The following C5 variants were observed in gnomAD, a reference collection of about 807,000 sequenced individuals.
C5 encodes C3 and PZP-like alpha-2-macroglobulin domain-containing protein 4.
Under a neutral mutation model 218.8 loss-of-function variants are expected in C5, and 140 were observed. The ratio of observed to expected loss-of-function variants is 0.64; its 90% CI spans 0.56 to 0.74. C5 has a LOEUF of 0.74. C5 is among the 30% of genes least tolerant of loss of function. The pLI is 0.00. For missense variants in C5, 1,700 were observed against 1,969.6 expected (o/e 0.86, Z 2.59); for synonymous variants, 614 against 682.3 (o/e 0.90, Z 1.56).
At chr9:121,006,863 A>C in intron 19 of C5, 41 bp downstream of exon 19, 1 of 1,278,646 alleles carries the variant, frequency 7.8e-7, no homozygotes, top group Non-Finnish European at 1.1e-6. Context: ...CTTGCTAATC[A>C]AATCACTATT....
In C5 at chr9:120,952,705, A is replaced by ATAT. The variant is rs1431982586; in HGVS notation, c.*33_*34insATA. 1.2e-6 allele frequency: 2 copies of ATAT among 1,609,128 alleles called. No individual in the cohort carries two copies. Among genetic ancestry groups the ATAT allele is most frequent in the African/African-American group, 2.7e-5 (2 of 74,832 alleles). On this transcript the variant is annotated 3_prime_UTR_variant, in exon 41 of 41. Coordinates refer to ENST00000223642, the MANE Select transcript of C5 (RefSeq NM_001735.3). ...CGAACTTCAACAACAGGAGTCCATAAGTGCAAACTGTATGCAGCTGAACTT... is the reference window on the plus strand; with the variant it reads ...CGAACTTCAACAACAGGAGTCCATAATATGTGCAAACTGTATGCAGCTGAACTT...
rs1296286329 is a variant in C5 at position 121,023,409 on chromosome 9, T to C, written c.1111A>G (p.Ile371Val). ...LFLKPGIPYP[I>V]KVQVKDSLDQ... is the part of the protein sequence containing the mutation. The stretch of plus-strand genomic sequence containing the variant: ...TACCCCCTCACCCAATCTACCTTGA[T>C]GGGATATGGAATCCCAGGCTTCAGG... Residue 371 changes from isoleucine (I) to valine (V), a missense_variant, in exon 10 of 41, where the codon ATC (isoleucine) becomes GTC (valine). Ile to Val is a conservative substitution (Grantham distance 29, BLOSUM62 3). Transcript: ENST00000223642. The C allele has an allele frequency of 1.3e-6, 2 of 1,589,628 alleles. No individual in the cohort carries two copies. Among genetic ancestry groups the C allele is most frequent in the Admixed American group, 1.7e-5 (1 of 60,000 alleles).
chr9:120,982,769 GTATT>G lies in C5; in HGVS notation c.3272_3275del (p.Lys1091ThrfsTer2), dbSNP rs747427444. 6.3e-7 allele frequency: 1 copy of G among 1,599,004 alleles called. No homozygotes were observed. Among genetic ancestry groups the G allele is most frequent in the Non-Finnish European group, 8.6e-7 (1 of 1,167,158 alleles). ...AAATTGAATTTTGGTTCTGCTCTAC[GTATT>G]TATTTACTTGTCCAAGTACTCTTAA... On this transcript the variant is annotated frameshift_variant, in exon 26 of 41. Coordinates refer to ENST00000223642, the MANE Select transcript of C5 (RefSeq NM_001735.3). LOFTEE classifies it high-confidence loss of function.
At chr9:121,065,074 AATAT>A in the C5 span, among the ~76,000 whole-genome samples, 112,201 of 150,362 alleles carry the variant, frequency 0.75, 42,153 homozygotes, top group East Asian at 0.96. Flanking sequence ...CATCTAAAAA[AATAT>A]ATATATATAT....
chr9:121,040,215 G>C (rs2047565374), intron 3 of C5, among the ~76,000 whole-genome samples: 1 of 152,112 alleles, frequency 6.6e-6, no homozygotes, highest in East Asian at 1.9e-4. Context: ...GCAAAGGAGG[G>C]GCAAGAATGT....
intron 1 of C5, 118 bp from the exon 2 acceptor site, chr9:121,046,501 A>C (rs1054639098): frequency 1.4e-6 from 1 of 712,836 alleles, no homozygotes; most frequent in African/African-American, 1.8e-5. Context: ...TCCTCACTTA[A>C]AAATGATACT....
intron 29 of C5, among the ~76,000 whole-genome samples, chr9:120,975,655 TTC>T (rs1328027598): frequency 6.6e-6 from 1 of 152,226 alleles, no homozygotes; most frequent in Non-Finnish European, 1.5e-5. Context: ...CCACTCTGCC[TTC>T]TCTTTGCCCT....
intron 20 of C5, among the ~76,000 whole-genome samples, chr9:120,998,829 C>T (rs2047138272): frequency 6.6e-6 from 1 of 152,056 alleles, no homozygotes; most frequent in African/African-American, 2.4e-5. Context: ...AGAACTATAC[C>T]CAAAATAATA....
intron 9 of C5, among the ~76,000 whole-genome samples, chr9:121,024,810 A>G (rs1473746545): frequency 6.6e-6 from 1 of 152,244 alleles, no homozygotes; most frequent in Non-Finnish European, 1.5e-5. Context: ...CACCTGTCTT[A>G]TACCTGATGC....
At chr9:121,030,579 C>T in intron 6 of C5, 92 bp from the exon 7 acceptor site, 2 of 675,870 alleles carry the variant, frequency 3.0e-6, no homozygotes, top group Non-Finnish European at 5.2e-6. Flanking sequence ...TATAGTTGGA[C>T]AAGCTGTAAC....
At position 121,034,828 on chromosome 9, in the gene C5, C is replaced by T; in HGVS notation, c.559G>A (p.Asp187Asn). Residue 187 changes from aspartate to asparagine, a missense_variant, in exon 5 of 41, where the codon GAC (aspartate) becomes AAC (asparagine). Physicochemically the swap from Asp to Asn is conservative, Grantham distance 23. Transcript: ENST00000223642. ...IDHIGIISFP[D>N]FKIPSNPRYG... is the part of the protein sequence containing the mutation. Reference sequence around the variant, plus strand: ...CTAGGATTAGACGGAATCTTGAAGTCAGGAAAAGAGATAATTCCAATATGA... The same window carrying T: ...CTAGGATTAGACGGAATCTTGAAGTTAGGAAAAGAGATAATTCCAATATGA... The T allele has an allele frequency of 6.3e-7, 1 of 1,576,816 alleles. No individual in the cohort carries two copies. The highest frequency in any genetic ancestry group is 1.1e-5 in the South Asian group (1 of 90,266).
intron 2 of C5, 107 bp downstream of exon 2, chr9:121,046,084 G>T: frequency 1.9e-6 from 1 of 528,090 alleles, no homozygotes; most frequent in Non-Finnish European, 3.3e-6. Context: ...TCCCACAGTG[G>T]ATGTAAATGA....
chr9:121,017,568 C>T, intron 13 of C5, 57 bp from the exon 14 acceptor site: 2 of 1,607,410 alleles, frequency 1.2e-6, no homozygotes, highest in South Asian at 1.1e-5. Context: ...CAAGACTTTT[C>T]AGAAGCAGCT....
At chr9:120,964,869 T>A (rs945872888) in intron 33 of C5, among the ~76,000 whole-genome samples, 2 of 152,304 alleles carry the variant, frequency 1.3e-5, no homozygotes, top group African/African-American at 4.8e-5. Context: ...TCTTTATAAT[T>A]CCCAGGCTTT....
Position 121,001,632 on chromosome 9 carries a change from A to G in C5, c.2563-3858T>C, listed in dbSNP as rs77862621. Among the ~76,000 whole-genome samples, 891 of 152,308 alleles carry G rather than the reference A, an allele frequency of 5.8e-3. 7 individuals are homozygous for G. The highest frequency in any genetic ancestry group is 0.011 in the Non-Finnish European group (722 of 67,998). ...TTTTGAGCTTTAATCAAAATGATGC[A>G]TGTAGTTATCTAGTCCATTCATTTC... is the stretch of plus-strand genomic sequence containing the variant. On this transcript the variant is annotated intron_variant, in intron 20 of 40. Transcript: ENST00000223642.
chr9:121,006,079 A>G, intron 19 of C5, 21 bp from the exon 20 acceptor site: 5 of 1,612,894 alleles, frequency 3.1e-6, no homozygotes, highest in Non-Finnish European at 4.2e-6. Flanking sequence ...AAGTGGAAGC[A>G]AAGTAGAATC....
chr9:121,030,391 T>G lies in C5; in HGVS notation c.758+6A>C. ...ATAAAAACAACAAAAAAACAAATGTTCTTACCTTGCTTTTATAGTAATTTC... is the reference window on the plus strand; with the variant it reads ...ATAAAAACAACAAAAAAACAAATGTGCTTACCTTGCTTTTATAGTAATTTC... On this transcript the variant is annotated splice_donor_region_variant and intron_variant, in intron 7 of 40. Coordinates refer to ENST00000223642, the MANE Select transcript of C5 (RefSeq NM_001735.3). 7.2e-6 allele frequency: 10 copies of G among 1,380,416 alleles called. No homozygotes were observed. The highest frequency in any genetic ancestry group is 9.0e-6 in the Non-Finnish European group (9 of 999,724). 85.5% of individuals were successfully genotyped at this position (1,380,416 alleles called of 1,614,324 possible).
chr9:120,988,919 AAG>A (rs1397180988), intron 25 of C5, 125 bp downstream of exon 25: 4 of 767,790 alleles, frequency 5.2e-6, no homozygotes, highest in East Asian at 5.0e-5. Context: ...CGGTAAGAGA[AAG>A]AGAGGAGTGA....
At chr9:120,966,194 G>A (rs2046866615) in intron 33 of C5, among the ~76,000 whole-genome samples, 1 of 152,128 alleles carries the variant, frequency 6.6e-6, no homozygotes, top group South Asian at 2.1e-4. Context: ...CCGCCTTTCT[G>A]GAACATTTTG....
Sources: gnomAD v4.1 joint callset for allele counts (sites outside exome capture counted in the v4.1 genomes callset) on GRCh38, gnomAD v4.1.1 for gene constraint, MANE v1.5 for transcripts, NCBI Gene and HGNC (gene_info 2026-07-23, HGNC 2026-07-21) for gene names.